Variants in PGS1 observed in about 807,000 individuals in gnomAD.
PGS1 encodes the protein phosphatidylglycerophosphate synthase 1.
Under a neutral mutation model 58.3 loss-of-function variants are expected in PGS1, and 44 were observed. The observed-to-expected ratio is 0.75, with a 90% CI of 0.59 to 0.97. The LOEUF is 0.97. Ranked by LOEUF, PGS1 falls within the 50% of genes least tolerant of loss-of-function variation. The probability of loss-of-function intolerance (pLI) is 0.00; values close to 1 mark genes in which losing one functional copy is unlikely to be tolerated. For missense variants in PGS1, 684 were observed against 731.1 expected, an observed-to-expected ratio of 0.94 and a Z score of 0.74; for synonymous variants, 330 against 311.0, an observed-to-expected ratio of 1.06 and a Z score of -0.64.
intron 7 of PGS1, among the ~76,000 whole-genome samples, chr17:78,404,801 C>T (rs946602364): frequency 6.6e-6 from 1 of 152,122 alleles, no homozygotes; most frequent in African/African-American, 2.4e-5. Context: ...GATGGGATTA[C>T]AGGCCTGTAC....
chr17:78,388,046 C>G (rs1245019269), intron 1 of PGS1, among the ~76,000 whole-genome samples: 2 of 152,226 alleles, frequency 1.3e-5, no homozygotes, highest in Non-Finnish European at 2.9e-5. Flanking sequence ...TGAGTCTCCT[C>G]CATAATGTAT....
chr17:78,422,198 C>A (rs142614021), intron 9 of PGS1, among the ~76,000 whole-genome samples: 109 of 152,230 alleles, frequency 7.2e-4, no homozygotes, highest in Admixed American at 2.3e-3. Flanking sequence ...ACCTGAAGGG[C>A]TGCAGTGACC....
In PGS1 at chr17:78,420,329, C is replaced by T. The variant is rs562332386; in HGVS notation, c.*10+654C>T. 38 of 664,380 alleles carry T rather than the reference C, an allele frequency of 5.7e-5. No homozygotes were observed. The East Asian group carries it at 4.1e-3, about 71-fold the overall frequency. The allele number at this position is 664,380 out of a possible 1,614,324, so 41.2% of individuals were successfully genotyped here. On this transcript the variant is annotated intron_variant, in intron 9 of 9. Transcript: ENST00000262764. ...GGGTCCCACAGTCACCTGAGGTACCCCTGGACTGTCTTGACGCCTAGAGGT... is the reference window on the plus strand; with the variant it reads ...GGGTCCCACAGTCACCTGAGGTACCTCTGGACTGTCTTGACGCCTAGAGGT...
chr17:78,395,570 T>C (rs2083170312), intron 2 of PGS1, among the ~76,000 whole-genome samples: 1 of 152,138 alleles, frequency 6.6e-6, no homozygotes, highest in Admixed American at 6.5e-5. Context: ...CCCTGCCTCC[T>C]TCTCTGGGGT....
intron 1 of PGS1, among the ~76,000 whole-genome samples, chr17:78,389,822 G>A (rs1156390357): frequency 2.0e-5 from 3 of 151,840 alleles, no homozygotes; most frequent in African/African-American, 4.8e-5. Context: ...CACCATATTG[G>A]CCAGGCTGGT....
In PGS1 at chr17:78,385,129, C is replaced by A. The variant is rs139244117; in HGVS notation, c.143+6321C>A. Among the ~76,000 whole-genome samples, 76 of 152,244 alleles carry A rather than the reference C, an allele frequency of 5.0e-4. 1 individual carries two copies. The highest frequency in any genetic ancestry group is 1.7e-3 in the African/African-American group (71 of 41,544). ...TTTCCCCAGGTTTCTTTCTTTCTTT[C>A]TTTTTCTGAGATGGAGTCTTGCTCT... On this transcript the variant is annotated intron_variant, in intron 1 of 9. Transcript: ENST00000262764.
At chr17:78,420,993 C>T (rs1321994240) in intron 9 of PGS1, 3 of 152,158 alleles carry the variant, frequency 2.0e-5, no homozygotes, top group Non-Finnish European at 4.4e-5. Flanking sequence ...ATTCCACTTG[C>T]CTTAAAATTA....
rs5822252 is a variant in PGS1 at position 78,389,053 on chromosome 17, C to CTTTT, written c.144-3404_144-3401dup. Among the ~76,000 whole-genome samples the CTTTT allele has an allele frequency of 6.6e-3, 638 of 95,956 alleles. 31 individuals carry two copies. The highest frequency in any genetic ancestry group is 0.023 in the African/African-American group (528 of 23,174). The allele number at this position is 95,956 out of a possible 152,430, so 63.0% of individuals were successfully genotyped here. ...TGCCAAGGAGTGTTTCCTCTTCTTC[C>CTTTT]TTTTTTTTTTTTTTTTTTTTTTGCG... On this transcript the variant is annotated intron_variant, in intron 1 of 9. Coordinates refer to ENST00000262764, the MANE Select transcript of PGS1 (RefSeq NM_024419.5).
chr17:78,401,245 T>A (rs1365909246), intron 6 of PGS1, among the ~76,000 whole-genome samples: 2 of 152,110 alleles, frequency 1.3e-5, no homozygotes, highest in East Asian at 3.9e-4. Flanking sequence ...AACAAATAGC[T>A]ACTCAGCAAT....
rs985959863 is a variant in PGS1, at chr17:78,378,707, G to C, written c.42G>C (p.Trp14Cys). The change falls in exon 1 of 10, where the codon TGG (tryptophan) becomes TGC (cysteine). Residue 14 changes from tryptophan to cysteine, a missense_variant. Transcript: ENST00000262764. ...CAGCTGCGGCGGGACCCGTGTTCTG[G>C]AGGCGACTGCTGGGCCTCCTGCCTG... ...AAAAAAGPVFWRRLLGLLPGR... is the reference protein window; with the variant it reads ...AAAAAAGPVFCRRLLGLLPGR... The C allele has an allele frequency of 1.2e-5, 18 of 1,522,474 alleles. No individual in the cohort carries two copies. Among genetic ancestry groups the C allele is most frequent in the Non-Finnish European group, 1.4e-5 (16 of 1,141,622 alleles). 94.3% of individuals were successfully genotyped at this position (1,522,474 alleles called of 1,614,324 possible).
At chr17:78,418,138 C>T (rs1052986795) in intron 8 of PGS1, among the ~76,000 whole-genome samples, 4 of 151,890 alleles carry the variant, frequency 2.6e-5, no homozygotes, top group Non-Finnish European at 5.9e-5. Flanking sequence ...TCACGTTGGC[C>T]AGGCTGGTCT....
Position 78,389,192 on chromosome 17 carries a change from A to AT in PGS1, c.144-3272dup, listed in dbSNP as rs1305263842. ...GTTCTGCCTCAGCCACGGGCGGCTA[A>AT]TTTTTTTTTTTTGAGACGGAGTGTC... On this transcript the variant is annotated intron_variant, in intron 1 of 9. Transcript: ENST00000262764. Among the ~76,000 whole-genome samples the AT allele has an allele frequency of 1.6e-3, 233 of 142,150 alleles. 1 individual carries two copies. Among genetic ancestry groups the AT allele is most frequent in the African/African-American group, 4.4e-3 (172 of 38,748 alleles). 93.3% of individuals were successfully genotyped at this position (142,150 alleles called of 152,430 possible).
intron 2 of PGS1, among the ~76,000 whole-genome samples, 174 bp from the exon 3 acceptor site, chr17:78,396,134 G>T (rs2146172423): frequency 6.6e-6 from 1 of 152,310 alleles, no homozygotes; most frequent in South Asian, 2.1e-4. Context: ...AGGATTGTGG[G>T]ACCTTATTTG....
At position 78,401,912 on chromosome 17, in the gene PGS1, C is replaced by T. The variant is rs114586939; in HGVS notation, c.880+1057C>T. Among the ~76,000 whole-genome samples, 1,412 of 151,884 alleles carry T rather than the reference C, an allele frequency of 9.3e-3. 25 individuals carry two copies. The highest frequency in any genetic ancestry group is 0.031 in the African/African-American group (1,298 of 41,348). On this transcript the variant is annotated intron_variant, in intron 6 of 9. Coordinates refer to ENST00000262764, the MANE Select transcript of PGS1 (RefSeq NM_024419.5). Reference sequence around the variant, plus strand: ...TGTGTGGATCCCTGGTCTAATGTAACGGGCCAGGCATGGATATGAGAGAAA... The same window carrying T: ...TGTGTGGATCCCTGGTCTAATGTAATGGGCCAGGCATGGATATGAGAGAAA...
chr17:78,393,537 G>A (rs1039831860), intron 2 of PGS1, among the ~76,000 whole-genome samples: 9 of 152,148 alleles, frequency 5.9e-5, no homozygotes, highest in Non-Finnish European at 1.2e-4. Flanking sequence ...CCCCTAACCC[G>A]GGAATCATCT....
chr17:78,413,288 G>A (rs2084884621), intron 7 of PGS1, among the ~76,000 whole-genome samples: 1 of 152,214 alleles, frequency 6.6e-6, no homozygotes, highest in South Asian at 2.1e-4. Flanking sequence ...TTCTATTTTA[G>A]GAGCCTGGTG....
intron 8 of PGS1, 89 bp from the exon 9 acceptor site, chr17:78,419,456 TG>T: frequency 8.7e-7 from 1 of 1,150,848 alleles, no homozygotes; most frequent in Non-Finnish European, 1.3e-6. Flanking sequence ...TTTTCTGGGC[TG>T]GCCTGAGGGG....
intron 1 of PGS1, among the ~76,000 whole-genome samples, chr17:78,381,886 C>T (rs1374904957): frequency 2.0e-5 from 3 of 152,098 alleles, no homozygotes; most frequent in South Asian, 2.1e-4. Flanking sequence ...CTGCTGGATC[C>T]GTTAATTTAT....
chr17:78,387,822 T>G (rs1320706372), intron 1 of PGS1, among the ~76,000 whole-genome samples: 1 of 152,088 alleles, frequency 6.6e-6, no homozygotes, highest in Non-Finnish European at 1.5e-5. Context: ...GGTCTCGATC[T>G]CCTGGCCTCA....
Sources: gnomAD v4.1 joint callset for allele counts (sites outside exome capture counted in the v4.1 genomes callset) on GRCh38, gnomAD v4.1.1 for gene constraint, MANE v1.5 for transcripts, NCBI Gene and HGNC (gene_info 2026-07-23, HGNC 2026-07-21) for gene names.